The following PKP4 variants were observed in gnomAD, a reference collection of about 807,000 sequenced individuals.
PKP4 encodes plakophilin 4, also known as plakophilin-4.
A neutral mutation model predicts 145.1 loss-of-function variants in PKP4; 90 were observed. The ratio of observed to expected loss-of-function variants is 0.62; its 90% CI spans 0.52 to 0.74. The LOEUF (loss-of-function observed/expected upper bound fraction) is 0.74, where lower values mean the gene tolerates loss of function less well. Ranked by LOEUF, PKP4 falls within the 30% of genes least tolerant of loss-of-function variation. PKP4 has a pLI of 0.00. For missense variants in PKP4, 1,340 were observed against 1,482.7 expected, an observed-to-expected ratio of 0.90 and a Z score of 1.58; for synonymous variants, 563 against 577.2, an observed-to-expected ratio of 0.98 and a Z score of 0.35.
intron 1 of PKP4, among the ~76,000 whole-genome samples, chr2:158,507,139 A>G (rs530409021): frequency 6.6e-6 from 1 of 152,296 alleles, no homozygotes; most frequent in Admixed American, 6.5e-5. Context: ...CGATGTTTTT[A>G]TGTTCTATAC....
intron 16 of PKP4, chr2:158,669,396 A>G (rs1222300171): frequency 5.4e-6 from 1 of 184,850 alleles, no homozygotes; most frequent in Non-Finnish European, 1.1e-5. Context: ...TTCCTTCATT[A>G]CTCAATGTTA....
chr2:158,592,555 C>T (rs2049366668), intron 3 of PKP4, among the ~76,000 whole-genome samples: 1 of 151,992 alleles, frequency 6.6e-6, no homozygotes, highest in African/African-American at 2.4e-5. Flanking sequence ...GTGTATTATG[C>T]TCTCTCTTTT....
intron 11 of PKP4, 32 bp downstream of exon 11, chr2:158,642,731 A>T (rs761607822): frequency 6.6e-7 from 1 of 1,505,658 alleles, no homozygotes; most frequent in East Asian, 2.3e-5. Context: ...GTCCTAGAGG[A>T]AATGTTGAAA....
intron 1 of PKP4, among the ~76,000 whole-genome samples, chr2:158,485,173 C>G (rs778950212): frequency 1.3e-5 from 2 of 152,196 alleles, no homozygotes; most frequent in Non-Finnish European, 2.9e-5. Context: ...GGCCTGTATA[C>G]AAGGCCAGAT....
intron 3 of PKP4, among the ~76,000 whole-genome samples, chr2:158,579,844 A>AAT (rs898328128): frequency 3.3e-5 from 5 of 151,598 alleles, no homozygotes; most frequent in South Asian, 4.2e-4. Flanking sequence ...AGCAATTTAA[A>AAT]ATATATATAT....
At chr2:158,584,668 AAAC>A (rs200837370) in intron 3 of PKP4, among the ~76,000 whole-genome samples, 9,285 of 152,248 alleles carry the variant, frequency 0.061, 653 homozygotes, top group African/African-American at 0.17. Context: ...CAAAAAATTT[AAAC>A]AATAAAAACT....
chr2:158,674,846 G>GC lies in PKP4; in HGVS notation c.3127+847dup, dbSNP rs539476821. ...AATATTATCTATTTTATTCAGCAGT[G>GC]CTACTGCTGGCAGTCTTATTTCTCA... On this transcript the variant is annotated intron_variant, in intron 19 of 21. Coordinates refer to ENST00000389759, the MANE Select transcript of PKP4 (RefSeq NM_003628.6). Among the ~76,000 whole-genome samples, 26 of 152,284 alleles carry GC rather than the reference G, an allele frequency of 1.7e-4. 2 individuals are homozygous for GC. The South Asian group carries it at 2.5e-3, about 15-fold the overall frequency.
At chr2:158,614,362 G>C (rs181300758) in intron 4 of PKP4, among the ~76,000 whole-genome samples, 3 of 152,250 alleles carry the variant, frequency 2.0e-5, no homozygotes, top group Non-Finnish European at 4.4e-5. Flanking sequence ...GGAGTGACAT[G>C]GTAAAGCCAG....
chr2:158,467,928 A>T (rs1205943925), intron 1 of PKP4, among the ~76,000 whole-genome samples: 2 of 152,232 alleles, frequency 1.3e-5, no homozygotes, highest in Non-Finnish European at 2.9e-5. Context: ...CCCATTTTGC[A>T]TAATTCTTTG....
chr2:158,662,361 T>C (rs746867473), intron 13 of PKP4: 9 of 152,350 alleles, frequency 5.9e-5, no homozygotes, highest in Non-Finnish European at 1.2e-4. Context: ...TAAATGACAG[T>C]TGGCCTCCCA....
chr2:158,640,211 C>T (rs2054155278), intron 9 of PKP4, among the ~76,000 whole-genome samples: 1 of 152,218 alleles, frequency 6.6e-6, no homozygotes, highest in South Asian at 2.1e-4. Context: ...CTGACGCCAG[C>T]CCTGTCTGTT....
intron 2 of PKP4, among the ~76,000 whole-genome samples, chr2:158,551,112 A>G (rs1460226355): frequency 6.6e-6 from 1 of 152,164 alleles, no homozygotes; most frequent in Non-Finnish European, 1.5e-5. Context: ...CTGTAATGTA[A>G]CTCTGATTTG....
chr2:158,482,304 C>T (rs1337742688), intron 1 of PKP4, among the ~76,000 whole-genome samples: 1 of 152,288 alleles, frequency 6.6e-6, no homozygotes, highest in South Asian at 2.1e-4. Context: ...CTCCCTGCCT[C>T]CATTCTTTCC....
At chr2:158,533,919 G>A (rs2043807803) in intron 2 of PKP4, among the ~76,000 whole-genome samples, 1 of 152,056 alleles carries the variant, frequency 6.6e-6, no homozygotes, top group Non-Finnish European at 1.5e-5. Flanking sequence ...TATCAGTTGT[G>A]CTTAGAGAAA....
intron 2 of PKP4, among the ~76,000 whole-genome samples, chr2:158,565,941 T>C (rs761868445): frequency 6.6e-6 from 1 of 152,174 alleles, no homozygotes; most frequent in Non-Finnish European, 1.5e-5. Flanking sequence ...TGAACACTTG[T>C]ACCTCTTGAG....
At chr2:158,568,802 C>T (rs1463312976) in intron 2 of PKP4, among the ~76,000 whole-genome samples, 4 of 152,060 alleles carry the variant, frequency 2.6e-5, no homozygotes, top group African/African-American at 9.7e-5. Flanking sequence ...AGTGAAACCC[C>T]ATCTCTACTA....
chr2:158,551,095 T>A (rs930883398), intron 2 of PKP4, among the ~76,000 whole-genome samples: 1 of 152,236 alleles, frequency 6.6e-6, no homozygotes, highest in Admixed American at 6.5e-5. Flanking sequence ...AAGTATTAAT[T>A]ATTATTCTGT....
At chr2:158,518,221 T>A (rs1428414946) in intron 1 of PKP4, among the ~76,000 whole-genome samples, 1 of 152,230 alleles carries the variant, frequency 6.6e-6, no homozygotes, top group East Asian at 1.9e-4. Flanking sequence ...TTGGCTCGAA[T>A]GGCTGTGATT....
chr2:158,598,804 A>G (rs1264596907), intron 3 of PKP4, among the ~76,000 whole-genome samples: 1 of 152,206 alleles, frequency 6.6e-6, no homozygotes, highest in Non-Finnish European at 1.5e-5. Flanking sequence ...ATAGAACGTG[A>G]TACAAAGTGA....
Sources: allele counts gnomAD v4.1 joint callset (sites outside exome capture counted in the v4.1 genomes callset), GRCh38; gene constraint gnomAD v4.1.1; transcripts MANE v1.5; gene names NCBI Gene and HGNC (gene_info 2026-07-23, HGNC 2026-07-21).